GNL3L: variants seen among roughly 807,000 people sequenced by gnomAD.
GNL3L encodes guanine nucleotide-binding protein-like 3-like protein.
In GNL3L, 4 loss-of-function variants were observed where a neutral mutation model predicts 42.9. The observed-to-expected ratio is 0.09, with a 90% CI of 0.05 to 0.21. The LOEUF (loss-of-function observed/expected upper bound fraction) is 0.21, where lower values mean the gene tolerates loss of function less well. GNL3L is among the 10% of genes least tolerant of loss of function. GNL3L has a pLI of 1.00. For synonymous variants in GNL3L, 159 were observed against 176.3 expected, an observed-to-expected ratio of 0.90 and a Z score of 0.78; for missense variants, 412 against 481.7, an observed-to-expected ratio of 0.86 and a Z score of 1.36.
At chrX:54,607,081 TC>T (rs1371751645) in intron 16 of GNL3L, among the ~76,000 whole-genome samples, 2 of 33,638 alleles carry the variant, frequency 5.9e-5, no homozygotes, top group Non-Finnish European at 1.0e-4. Flanking sequence ...TCTCTTTCTT[TC>T]TTCTTTCTTT....
chrX:54,636,841 A>C, the GNL3L span, among the ~76,000 whole-genome samples: 1 of 111,792 alleles, frequency 8.9e-6, no homozygotes, highest in African/African-American at 3.3e-5. Flanking sequence ...ATACACATGC[A>C]TGTGTCTTTT....
At chrX:54,635,679 T>C in the GNL3L span, among the ~76,000 whole-genome samples, 1 of 109,752 alleles carries the variant, frequency 9.1e-6, no homozygotes, top group East Asian at 2.8e-4. Context: ...ATATTTCTGT[T>C]TTTCAGTTTG....
chrX:54,643,809 A>G, the GNL3L span, among the ~76,000 whole-genome samples: 4 of 110,689 alleles, frequency 3.6e-5, no homozygotes, highest in African/African-American at 1.3e-4. Flanking sequence ...TAATCATCCT[A>G]CTACTCTCTA....
the GNL3L span, among the ~76,000 whole-genome samples, chrX:54,630,724 C>CTTTCTT: frequency 1.3e-5 from 1 of 76,578 alleles, no homozygotes; most frequent in African/African-American, 7.6e-5. Flanking sequence ...TTCTTTCTTT[C>CTTTCTT]TTTCTTTCTT....
chrX:54,532,819 AG>A (rs1447693662), intron 2 of GNL3L, among the ~76,000 whole-genome samples: 1 of 110,596 alleles, frequency 9.0e-6, no homozygotes, highest in African/African-American at 3.3e-5. Flanking sequence ...CCACCATGCC[AG>A]GCTACTTTTT....
chrX:54,554,733 C>T (rs775529158), intron 14 of GNL3L, 41 bp downstream of exon 14: 70 of 1,162,226 alleles, frequency 6.0e-5, no homozygotes, highest in Non-Finnish European at 7.7e-5. Context: ...CTTCTCTCCC[C>T]AGGGCTCTGG....
chrX:54,551,454 G>A (rs757064595), intron 10 of GNL3L, 114 bp from the exon 11 acceptor site: 12 of 571,483 alleles, frequency 2.1e-5, no homozygotes, highest in Admixed American at 1.6e-4. Context: ...CTCCACCTTC[G>A]TCTCTAATGC....
chrX:54,603,938 C>T (rs1174776828), intron 16 of GNL3L, among the ~76,000 whole-genome samples: 1 of 110,781 alleles, frequency 9.0e-6, no homozygotes, highest in East Asian at 2.8e-4. Flanking sequence ...CCCAGGAGTT[C>T]GAGGCCTGGG....
downstream of GNL3L, among the ~76,000 whole-genome samples, chrX:54,568,131 G>C (rs1196076031): frequency 1.8e-5 from 2 of 110,041 alleles, no homozygotes; most frequent in Non-Finnish European, 3.8e-5. Flanking sequence ...ACCACGCCCG[G>C]CTAGTTTTTG....
At chrX:54,625,360 A>C (rs1436014579), downstream of GNL3L, among the ~76,000 whole-genome samples, 1 of 107,318 alleles carries the variant, frequency 9.3e-6, no homozygotes, top group Non-Finnish European at 1.9e-5. Flanking sequence ...CTTTTCTGAG[A>C]GTTTTTATCA....
At chrX:54,576,485 T>C (rs746997817) in intron 16 of GNL3L, among the ~76,000 whole-genome samples, 1 of 111,528 alleles carries the variant, frequency 9.0e-6, no homozygotes, top group South Asian at 3.7e-4. Context: ...ATTTATATTT[T>C]ATTTTATTTT....
chrX:54,533,916 G>A (rs777191577), intron 2 of GNL3L, among the ~76,000 whole-genome samples: 39 of 109,928 alleles, frequency 3.5e-4, no homozygotes, highest in Non-Finnish European at 6.6e-4. Context: ...AAGAATTCTG[G>A]CTGTTTAAAA....
the GNL3L span, among the ~76,000 whole-genome samples, chrX:54,629,012 A>T: frequency 9.5e-6 from 1 of 105,655 alleles, no homozygotes; most frequent in Non-Finnish European, 1.9e-5. Context: ...TATATATATA[A>T]TTTTTTGCAG....
chrX:54,557,429 A>T (rs867533824), intron 14 of GNL3L, among the ~76,000 whole-genome samples: 1 of 106,345 alleles, frequency 9.4e-6, no homozygotes, highest in Admixed American at 1.0e-4. Context: ...TGCGCAGCTA[A>T]TTTTATTTTT....
rs1385965591 is a variant in GNL3L at position 54,562,266 on chromosome X, G to A, written c.*1664G>A. ...TCACCATGTTGACCAGGCTGGTCTCGAACTCTTGACCTCAAGTGATCCACT... is the reference window on the plus strand; with the variant it reads ...TCACCATGTTGACCAGGCTGGTCTCAAACTCTTGACCTCAAGTGATCCACT... On this transcript the variant is annotated 3_prime_UTR_variant, in exon 16 of 16. Coordinates refer to ENST00000360845, the MANE Select transcript of GNL3L (RefSeq NM_001184819.2). Among the ~76,000 whole-genome samples the A allele has an allele frequency of 8.9e-6, 1 of 111,997 alleles. No individual in the cohort carries two copies. Among genetic ancestry groups the A allele is most frequent in the Non-Finnish European group, 1.9e-5 (1 of 53,171 alleles).
intron 16 of GNL3L, among the ~76,000 whole-genome samples, chrX:54,580,014 AT>A (rs1925689767): frequency 4.6e-5 from 1 of 21,860 alleles, no homozygotes; most frequent in Non-Finnish European, 8.4e-5. Context: ...TTTTTTTTTT[AT>A]ACTTTAAGTT....
Position 54,551,699 on chromosome X carries a change from T to G in GNL3L, c.995T>G (p.Val332Gly). The G allele has an allele frequency of 8.3e-7, 1 of 1,211,754 alleles. No homozygotes were observed. Among genetic ancestry groups the G allele is most frequent in the Non-Finnish European group, 1.1e-6 (1 of 895,355 alleles). ...CACGTGCAGAAGCTGGCAGACCCTG[T>G]GACCCCAGTGGAGACCATCCTGCAG... is the stretch of plus-strand genomic sequence containing the variant. ...CVHVQKLADPVTPVETILQRC... is the reference protein window; with the variant it reads ...CVHVQKLADPGTPVETILQRC... Residue 332 changes from valine to glycine, a missense_variant, in exon 11 of 16, where the codon GTG (valine) becomes GGG (glycine). By Grantham distance (109) the Val-to-Gly change is moderately radical. Coordinates refer to ENST00000360845, the MANE Select transcript of GNL3L (RefSeq NM_001184819.2).
intron 16 of GNL3L, among the ~76,000 whole-genome samples, chrX:54,613,811 G>A (rs1269736816): frequency 9.0e-6 from 1 of 110,789 alleles, no homozygotes; most frequent in Admixed American, 9.6e-5. Context: ...TTCCTGTGGA[G>A]GTGGCAGGGG....
At position 54,534,390 on chromosome X, in the gene GNL3L, G is replaced by C. The variant is rs146078767; in HGVS notation, c.19+1805G>C. 2.1e-4 allele frequency among the ~76,000 whole-genome samples: 23 copies of C among 111,069 alleles called. No homozygotes were observed. The East Asian group carries it at 6.3e-3, about 30-fold the overall frequency. On this transcript the variant is annotated intron_variant, in intron 2 of 15. Coordinates refer to ENST00000360845, the MANE Select transcript of GNL3L (RefSeq NM_001184819.2). ...CTTGGACAATTGATCCCAGGGAGAGGTTGTTAGGGGAGTGCTGATCACCCA... is the reference window on the plus strand; with the variant it reads ...CTTGGACAATTGATCCCAGGGAGAGCTTGTTAGGGGAGTGCTGATCACCCA...
Sources: gnomAD v4.1 joint callset for allele counts (sites outside exome capture counted in the v4.1 genomes callset) on GRCh38, gnomAD v4.1.1 for gene constraint, MANE v1.5 for transcripts, NCBI Gene and HGNC (gene_info 2026-07-23, HGNC 2026-07-21) for gene names.